The following PTPRD variants were observed in gnomAD, a reference collection of about 807,000 sequenced individuals.
PTPRD encodes the protein protein tyrosine phosphatase receptor type D, also known as receptor-type tyrosine-protein phosphatase delta.
A neutral mutation model predicts 214.5 loss-of-function variants in PTPRD; 34 were observed. The observed-to-expected ratio is 0.16, with a 90% CI of 0.12 to 0.21. PTPRD has a LOEUF of 0.21. PTPRD is among the 10% of genes least tolerant of loss of function. The pLI, the probability that PTPRD is intolerant of heterozygous loss-of-function variation, is 1.00. For synonymous variants in PTPRD, 1,128 were observed against 845.7 expected (o/e 1.33, Z -5.79); for missense variants, 2,545 against 2,398.7 (o/e 1.06, Z -1.27).
intron 39 of PTPRD, among the ~76,000 whole-genome samples, chr9:8,348,931 C>G (rs944582453): frequency 6.6e-6 from 1 of 152,106 alleles, no homozygotes; most frequent in Non-Finnish European, 1.5e-5. Context: ...TGGTTATTAT[C>G]CTTATGCCAG....
intron 9 of PTPRD, among the ~76,000 whole-genome samples, chr9:9,190,550 C>T (rs910035851): frequency 2.0e-5 from 3 of 152,010 alleles, no homozygotes; most frequent in Admixed American, 2.0e-4. Context: ...TGAAAATGGA[C>T]TAATACAACG....
At chr9:10,018,030 T>G (rs1163408771) in intron 4 of PTPRD, among the ~76,000 whole-genome samples, 1 of 152,114 alleles carries the variant, frequency 6.6e-6, no homozygotes, top group Non-Finnish European at 1.5e-5. Flanking sequence ...CAGCATAAGT[T>G]AGTTTTATTT....
At chr9:10,207,559 T>G (rs1255402220) in intron 3 of PTPRD, among the ~76,000 whole-genome samples, 4 of 152,070 alleles carry the variant, frequency 2.6e-5, no homozygotes, top group Admixed American at 6.5e-5. Flanking sequence ...ATTATGTAAC[T>G]AAATAGTAAT....
rs1432019125 is a variant in PTPRD, at chr9:8,340,415, G to A, written c.5181C>T (p.Asp1727=). 6.2e-7 allele frequency: 1 copy of A among 1,609,698 alleles called. No homozygotes were observed. The part of the protein sequence containing the change: ...TQGPLAETTE[D]FWRMLWEHNS... ...TGTGTTCCCAGAGCATCCGCCAGAA[G>A]TCTTCAGTGGTCTCTGCCAAGGGCC... Residue 1727 remains aspartate, a synonymous_variant, in exon 42 of 46, where the codon GAC becomes GAT. Transcript: ENST00000381196.
chr9:9,549,071 G>A (rs1356201931), intron 8 of PTPRD, among the ~76,000 whole-genome samples: 1 of 151,908 alleles, frequency 6.6e-6, no homozygotes, highest in African/African-American at 2.4e-5. Flanking sequence ...GAAAGCATAG[G>A]CAACTATCTT....
chr9:8,695,942 C>G (rs1012103365), intron 12 of PTPRD, among the ~76,000 whole-genome samples: 8 of 152,308 alleles, frequency 5.3e-5, no homozygotes, highest in Non-Finnish European at 1.2e-4. Flanking sequence ...ACCCAACCAC[C>G]TGCTCCAAAC....
intron 2 of PTPRD, among the ~76,000 whole-genome samples, chr9:10,584,203 A>G (rs2073120662): frequency 6.6e-6 from 1 of 151,996 alleles, no homozygotes; most frequent in Non-Finnish European, 1.5e-5. Context: ...AAGAAAGAAA[A>G]AAAAAGAAAG....
intron 11 of PTPRD, among the ~76,000 whole-genome samples, chr9:8,744,763 A>C (rs1598528724): frequency 6.6e-6 from 1 of 152,330 alleles, no homozygotes; most frequent in South Asian, 2.1e-4. Context: ...TATGCACATA[A>C]CCAAACACCA....
At chr9:9,785,547 A>G (rs1016885988) in intron 5 of PTPRD, among the ~76,000 whole-genome samples, 4 of 152,126 alleles carry the variant, frequency 2.6e-5, no homozygotes, top group African/African-American at 9.6e-5. Context: ...TCCGCAAAAC[A>G]ACTAAATGGT....
chr9:8,479,550 C>T (rs1308517051), intron 30 of PTPRD, among the ~76,000 whole-genome samples: 1 of 151,998 alleles, frequency 6.6e-6, no homozygotes, highest in Non-Finnish European at 1.5e-5. Flanking sequence ...ATTGAACAAG[C>T]TAAAAATAAA....
At chr9:9,147,390 T>C (rs908802221) in intron 10 of PTPRD, among the ~76,000 whole-genome samples, 4 of 152,076 alleles carry the variant, frequency 2.6e-5, no homozygotes, top group African/African-American at 7.2e-5. Flanking sequence ...TTATTTATTT[T>C]AGTGTGAGGC....
chr9:9,455,803 T>C (rs971349608), intron 8 of PTPRD, among the ~76,000 whole-genome samples: 3 of 151,786 alleles, frequency 2.0e-5, no homozygotes, highest in African/African-American at 7.2e-5. Context: ...TACTGTGAAA[T>C]AGTTTTTCAT....
intron 2 of PTPRD, among the ~76,000 whole-genome samples, chr9:10,382,241 T>C (rs1025762603): frequency 1.3e-5 from 2 of 152,030 alleles, no homozygotes; most frequent in Admixed American, 6.6e-5. Context: ...AGATTTCTAA[T>C]ATAGGCATTT....
At chr9:9,669,401 T>C (rs562482270) in intron 7 of PTPRD, among the ~76,000 whole-genome samples, 3 of 152,272 alleles carry the variant, frequency 2.0e-5, no homozygotes, top group East Asian at 3.9e-4. Flanking sequence ...AGGAAATTGA[T>C]ATTATTGAAA....
At chr9:10,067,913 T>C (rs1324851137) in intron 3 of PTPRD, among the ~76,000 whole-genome samples, 1 of 151,956 alleles carries the variant, frequency 6.6e-6, no homozygotes, top group Admixed American at 6.6e-5. Flanking sequence ...AATTTCAATC[T>C]ACCCATGTGA....
At chr9:8,437,385 C>G in intron 34 of PTPRD, 1 of 598,638 alleles carries the variant, frequency 1.7e-6, no homozygotes, top group Non-Finnish European at 2.8e-6. Flanking sequence ...GTGGCTAGTA[C>G]AATGTGACTA....
At chr9:10,432,477 AC>A (rs1201391366) in intron 2 of PTPRD, among the ~76,000 whole-genome samples, 1 of 151,866 alleles carries the variant, frequency 6.6e-6, no homozygotes, top group Non-Finnish European at 1.5e-5. Context: ...CAAATTCTCA[AC>A]TAATTTATCC....
intron 43 of PTPRD, among the ~76,000 whole-genome samples, chr9:8,336,315 A>G (rs922936755): frequency 1.3e-5 from 2 of 149,252 alleles, no homozygotes; most frequent in Non-Finnish European, 2.9e-5. Context: ...CAAACATCTT[A>G]TCTTTGACAA....
At chr9:9,465,265 C>G (rs573341619) in intron 8 of PTPRD, among the ~76,000 whole-genome samples, 1 of 152,114 alleles carries the variant, frequency 6.6e-6, no homozygotes, top group Non-Finnish European at 1.5e-5. Flanking sequence ...AAAACAAAAG[C>G]CAAAGAAAAG....
Sources: gnomAD v4.1 joint callset for allele counts (sites outside exome capture counted in the v4.1 genomes callset) on GRCh38, gnomAD v4.1.1 for gene constraint, MANE v1.5 for transcripts, NCBI Gene and HGNC (gene_info 2026-07-23, HGNC 2026-07-21) for gene names.